The following VPS53 variants were observed in gnomAD, a reference collection of about 807,000 sequenced individuals.
The protein encoded by VPS53 is VPS53 subunit of GARP complex.
VPS53 carries 70 observed loss-of-function variants against 107.0 expected under a neutral mutation model. The ratio of observed to expected loss-of-function variants is 0.65; its 90% CI spans 0.54 to 0.80. The LOEUF is 0.80. VPS53 is among the 30% of genes least tolerant of loss of function. The probability of loss-of-function intolerance (pLI) is 0.00; values close to 1 mark genes in which losing one functional copy is unlikely to be tolerated. For missense variants in VPS53, 917 were observed against 1,049.4 expected (o/e 0.87, Z 1.74); for synonymous variants, 409 against 393.3 (o/e 1.04, Z -0.47).
intron 13 of VPS53, among the ~76,000 whole-genome samples, chr17:563,287 CTTT>C (rs36076034): frequency 2.9e-5 from 3 of 103,298 alleles, no homozygotes; most frequent in Non-Finnish European, 5.4e-5. Flanking sequence ...ACTTCATTTC[CTTT>C]TTTTTTTTTT....
Position 562,571 on chromosome 17 carries a change from G to T in VPS53, c.1488C>A (p.Ala496=), listed in dbSNP as rs865891073. Residue 496 remains alanine (A), a synonymous_variant, in exon 14 of 22, where the codon GCC becomes GCA. Coordinates refer to ENST00000437048, the MANE Select transcript of VPS53 (RefSeq NM_001128159.3). ...SQLSTGEPMI[A]LTTIFQKYLR... is the part of the protein sequence containing the mutation. ...GGTACTTCTGGAAAATGGTGGTCAG[G>T]GCGATCATGGGCTCCCCAGTACTGA... is the stretch of plus-strand genomic sequence containing the variant. 2 of 1,613,956 alleles carry T rather than the reference G, an allele frequency of 1.2e-6. No individual in the cohort carries two copies. The highest frequency in any genetic ancestry group is 2.7e-5 in the African/African-American group (2 of 74,994).
In VPS53 at chr17:641,737, G is replaced by A. The variant is rs575579238; in HGVS notation, c.609-10109C>T. Among the ~76,000 whole-genome samples the A allele has an allele frequency of 7.9e-5, 12 of 152,318 alleles. No individual in the cohort carries two copies. In the East Asian group the frequency reaches 2.3e-3, roughly 29 times the overall value. On this transcript the variant is annotated intron_variant, in intron 7 of 21. Coordinates refer to ENST00000437048, the MANE Select transcript of VPS53 (RefSeq NM_001128159.3). Reference sequence around the variant, plus strand: ...CCCAAAGTGCTAGGATTACAGGCATGAGCCACTGTGCCCAACTGATTTCCT... The same window carrying A: ...CCCAAAGTGCTAGGATTACAGGCATAAGCCACTGTGCCCAACTGATTTCCT...
chr17:526,367 A>G (rs747132958), intron 19 of VPS53, among the ~76,000 whole-genome samples: 14 of 152,216 alleles, frequency 9.2e-5, no homozygotes, highest in Non-Finnish European at 5.9e-5. Flanking sequence ...ATAATTCTCT[A>G]GTGTCCCTCA....
chr17:656,844 T>G (rs910523094), intron 5 of VPS53: 1 of 1,590,280 alleles, frequency 6.3e-7, no homozygotes, highest in African/African-American at 1.3e-5. Flanking sequence ...TCTTCAGCAA[T>G]GGTGAGGCGG....
At position 605,144 on chromosome 17, in the gene VPS53, C is replaced by T. The variant is rs138044241; in HGVS notation, c.1117-3248G>A. Among the ~76,000 whole-genome samples, 1,046 of 152,180 alleles carry T rather than the reference C, an allele frequency of 6.9e-3. 13 individuals carry two copies. The highest frequency in any genetic ancestry group is 0.023 in the African/African-American group (959 of 41,506). On this transcript the variant is annotated intron_variant, in intron 11 of 21. Coordinates refer to ENST00000437048, the MANE Select transcript of VPS53 (RefSeq NM_001128159.3). ...GGCGGAGGGAACAGCACGTGTCTGC[C>T]GCTCACTCAACAATGATGTACTGGG...
chr17:615,532 C>T (rs1272793929), intron 11 of VPS53, among the ~76,000 whole-genome samples: 3 of 152,088 alleles, frequency 2.0e-5, no homozygotes, highest in Non-Finnish European at 2.9e-5. Context: ...TGACGTACAG[C>T]CTAGGGAGGG....
At chr17:620,276 G>A (rs765094832) in intron 11 of VPS53, among the ~76,000 whole-genome samples, 7 of 152,186 alleles carry the variant, frequency 4.6e-5, no homozygotes, top group Non-Finnish European at 1.0e-4. Flanking sequence ...AGGCCAGCCC[G>A]ATTCACCTGC....
intron 1 of VPS53, among the ~76,000 whole-genome samples, chr17:712,008 G>A (rs1973659956): frequency 6.6e-6 from 1 of 151,820 alleles, no homozygotes; most frequent in Non-Finnish European, 1.5e-5. Context: ...AGTAGAGAAG[G>A]GGTTTCACCG....
chr17:634,856 A>G (rs1188487707), intron 7 of VPS53, among the ~76,000 whole-genome samples: 1 of 149,786 alleles, frequency 6.7e-6, no homozygotes, highest in Non-Finnish European at 1.5e-5. Flanking sequence ...CAATAAACAT[A>G]CGTGTGCATG....
intron 8 of VPS53, among the ~76,000 whole-genome samples, chr17:629,544 T>C (rs1337297933): frequency 6.6e-6 from 1 of 151,100 alleles, no homozygotes; most frequent in East Asian, 2.0e-4. Context: ...GATCATGAGG[T>C]CAGGAGATCG....
At position 562,722 on chromosome 17, in the gene VPS53, C is replaced by T. The variant is rs771259893; in HGVS notation, c.1337G>A (p.Arg446Gln). The change falls in exon 14 of 22, where the codon CGG (arginine) becomes CAG (glutamine). Residue 446 changes from arginine to glutamine, a missense_variant. Transcript: ENST00000437048. ...QDKNLGELID[R>Q]FVADFKAQGP... ...CTGGGCTTTGAAATCAGCCACAAAC[C>T]GATCTATCAGCTCTCCGAGGTTCCT... is the stretch of plus-strand genomic sequence containing the variant. The T allele has an allele frequency of 1.1e-5, 17 of 1,612,414 alleles. No individual in the cohort carries two copies. In the East Asian group the frequency reaches 1.6e-4, roughly 15 times the overall value.
At chr17:653,988 G>T (rs1264309714) in intron 6 of VPS53, among the ~76,000 whole-genome samples, 1 of 152,206 alleles carries the variant, frequency 6.6e-6, no homozygotes, top group Non-Finnish European at 1.5e-5. Flanking sequence ...GAAGTCACGA[G>T]ATCGAGATCA....
intron 12 of VPS53, among the ~76,000 whole-genome samples, chr17:598,998 G>GA (rs1422723550): frequency 2.7e-5 from 1 of 36,618 alleles, no homozygotes; most frequent in Non-Finnish European, 5.7e-5. Flanking sequence ...GAGGGAGGTG[G>GA]GGGGGGGGGT....
At position 524,823 on chromosome 17, in the gene VPS53, C is replaced by T. The variant is rs555828461; in HGVS notation, c.2086-3085G>A. On this transcript the variant is annotated intron_variant, in intron 19 of 21. Transcript: ENST00000437048. This position sits in a 1 kb window ranked among gnomAD's most constrained non-coding sequence, Gnocchi z 4.5. Reference sequence around the variant, plus strand: ...ACAGGTTGATAATCTAGTGTGGGCACGGCCACACTGAAATTCAGACTAGTG... The same window carrying T: ...ACAGGTTGATAATCTAGTGTGGGCATGGCCACACTGAAATTCAGACTAGTG... Among the ~76,000 whole-genome samples, 9 of 152,228 alleles carry T rather than the reference C, an allele frequency of 5.9e-5. No individual in the cohort carries two copies. The highest frequency in any genetic ancestry group is 2.0e-4 in the Admixed American group (3 of 15,290).
At chr17:603,936 G>T (rs936511519) in intron 11 of VPS53, among the ~76,000 whole-genome samples, 33 of 152,146 alleles carry the variant, frequency 2.2e-4, no homozygotes, top group African/African-American at 7.7e-4. Flanking sequence ...CTTAACAGTG[G>T]GCTCTGGGAT....
intron 6 of VPS53, among the ~76,000 whole-genome samples, chr17:655,445 C>G (rs1971149473): frequency 6.6e-6 from 1 of 151,620 alleles, no homozygotes; most frequent in African/African-American, 2.4e-5. Context: ...GCCTGTGTCA[C>G]TCTGTCTGCC....
chr17:595,500 C>G (rs1316857280), intron 12 of VPS53, among the ~76,000 whole-genome samples: 1 of 52,336 alleles, frequency 1.9e-5, no homozygotes, highest in Non-Finnish European at 4.0e-5. Flanking sequence ...GGGAAGGGGT[C>G]TGGATCAATT....
intron 11 of VPS53, among the ~76,000 whole-genome samples, chr17:620,224 A>G (rs538042671): frequency 6.6e-6 from 1 of 152,268 alleles, no homozygotes; most frequent in Non-Finnish European, 1.5e-5. Context: ...TGGCCTCAAA[A>G]TTGGGCTGCT....
Position 624,800 on chromosome 17 carries a change from T to C in VPS53, c.975-1126A>G, listed in dbSNP as rs566430993. 1.5e-4 allele frequency among the ~76,000 whole-genome samples: 23 copies of C among 152,354 alleles called. No homozygotes were observed. In the South Asian group the frequency reaches 2.7e-3, roughly 18 times the overall value. Reference sequence around the variant, plus strand: ...ACAGTTTCTCAAGGAATTCACTCTTTATTTTGTTAATTGGGATTTAGAAGG... The same window carrying C: ...ACAGTTTCTCAAGGAATTCACTCTTCATTTTGTTAATTGGGATTTAGAAGG... On this transcript the variant is annotated intron_variant, in intron 10 of 21. Coordinates refer to ENST00000437048, the MANE Select transcript of VPS53 (RefSeq NM_001128159.3).
Sources: gnomAD v4.1 joint callset for allele counts (sites outside exome capture counted in the v4.1 genomes callset) on GRCh38, gnomAD v4.1.1 for gene constraint, Gnocchi (gnomAD v3.1) non-coding constraint, MANE v1.5 for transcripts, NCBI Gene and HGNC (gene_info 2026-07-23, HGNC 2026-07-21) for gene names.